TPM3: variants seen among roughly 807,000 people sequenced by gnomAD.
TPM3 encodes tropomyosin alpha-3 chain.
In TPM3, 16 loss-of-function variants were observed where a neutral mutation model predicts 43.1. That is an observed-to-expected ratio of 0.37 (90% CI 0.25 to 0.56). The LOEUF is 0.56. Among genes scored for constraint, TPM3 ranks in the 20% least tolerant of loss-of-function variants. TPM3 has a pLI of 0.77. For missense variants in TPM3, 176 were observed against 337.2 expected, an observed-to-expected ratio of 0.52 and a Z score of 3.74; for synonymous variants, 101 against 116.9, an observed-to-expected ratio of 0.86 and a Z score of 0.88.
chr1:154,162,783 T>A lies in TPM3; in HGVS notation c.*5154A>T, dbSNP rs1367485009. On this transcript the variant is annotated 3_prime_UTR_variant, in exon 10 of 10. Coordinates refer to ENST00000651641, the MANE Select transcript of TPM3 (RefSeq NM_152263.4). ...TTACATAGTACTTCATTGTCCACTT[T>A]GGTACCCCAGTTTGTTGGTCTCTAT... Among the ~76,000 whole-genome samples, 1 of 152,230 alleles carries A rather than the reference T, an allele frequency of 6.6e-6. No individual in the cohort carries two copies. The highest frequency in any genetic ancestry group is 1.5e-5 in the Non-Finnish European group (1 of 68,040).
chr1:154,157,679 C>T (rs2148183863), downstream of TPM3: 2 of 780,698 alleles, frequency 2.6e-6, no homozygotes, highest in South Asian at 2.7e-5. Flanking sequence ...GTCCAGCATC[C>T]TTTGTGTACA....
Position 154,192,029 on chromosome 1 carries a change from T to TC in TPM3, c.-12_-11insG. 1 of 1,609,526 alleles carries TC rather than the reference T, an allele frequency of 6.2e-7. No homozygotes were observed. The highest frequency in any genetic ancestry group is 1.1e-5 in the South Asian group (1 of 91,006). On this transcript the variant is annotated 5_prime_UTR_variant, in exon 1 of 10. Coordinates refer to ENST00000651641, the MANE Select transcript of TPM3 (RefSeq NM_152263.4). ...GATGGCCTCCATCATGAGCAGTGGC[T>TC]GTTGGTAGGCTCACCTGTGAACACT...
intron 6 of TPM3, 110 bp downstream of exon 6, chr1:154,171,303 G>A: frequency 1.8e-6 from 2 of 1,131,990 alleles, no homozygotes; most frequent in Non-Finnish European, 2.7e-6. Flanking sequence ...GAGGTAGGAA[G>A]AGGACACGCC....
chr1:154,168,068 T>A, intron 9 of TPM3, 128 bp from the exon 10 acceptor site: 2 of 1,354,128 alleles, frequency 1.5e-6, no homozygotes, highest in Non-Finnish European at 2.1e-6. Context: ...GCCAGACACT[T>A]CAGCCTGAGA....
At position 154,169,383 on chromosome 1, in the gene TPM3, T is replaced by A; in HGVS notation, c.776A>T (p.Asp259Val). The change falls in exon 9 of 10, where the codon GAT becomes GTT. Residue 259 changes from aspartate (D) to valine (V), a missense_variant and splice_region_variant. Physicochemically the swap from Asp to Val is radical, Grantham distance 152 (BLOSUM62 -3). This residue lies in a region of TPM3 where 53 missense variants were observed against 98.3 expected (regional missense o/e 0.54). Coordinates refer to ENST00000651641, the MANE Select transcript of TPM3 (RefSeq NM_152263.4). ...KLEKTIDDLE[D>V]ELYAQKLKYK... Reference sequence around the variant, plus strand: ...CTTCAGTTTCTGGGCATAGAGCTCATCTGGACAGGCACAGGAACCACAGGG... The same window carrying A: ...CTTCAGTTTCTGGGCATAGAGCTCAACTGGACAGGCACAGGAACCACAGGG... The A allele has an allele frequency of 6.2e-7, 1 of 1,614,174 alleles. No individual in the cohort carries two copies. Among genetic ancestry groups the A allele is most frequent in the Non-Finnish European group, 8.5e-7 (1 of 1,180,026 alleles).
At position 154,171,339 on chromosome 1, in the gene TPM3, G is replaced by A. The variant is rs140060659; in HGVS notation, c.642+74C>T. On this transcript the variant is annotated intron_variant, in intron 6 of 9. Coordinates refer to ENST00000651641, the MANE Select transcript of TPM3 (RefSeq NM_152263.4). Reference sequence around the variant, plus strand: ...TCACTGGATTATATATGGAATGCGTGTCTCCAGTCTTTCATCAAGGGCAGG... The same window carrying A: ...TCACTGGATTATATATGGAATGCGTATCTCCAGTCTTTCATCAAGGGCAGG... 374 of 1,490,988 alleles carry A rather than the reference G, an allele frequency of 2.5e-4. 4 individuals are homozygous for A. In the East Asian group the frequency reaches 8.0e-3, roughly 32 times the overall value. 92.4% of individuals were successfully genotyped at this position (1,490,988 alleles called of 1,614,324 possible).
In TPM3 at chr1:154,162,831, C is replaced by T. The variant is rs572423277; in HGVS notation, c.*5106G>A. 5.3e-5 allele frequency among the ~76,000 whole-genome samples: 8 copies of T among 152,286 alleles called. No homozygotes were observed. Among genetic ancestry groups the T allele is most frequent in the Middle Eastern group, 6.8e-3 (2 of 294 alleles). On this transcript the variant is annotated 3_prime_UTR_variant, in exon 10 of 10. Transcript: ENST00000651641. ...TATCCTTGGCTCACACTAGTCATACCGCAAGGAAAACAGGAGATACCACAG... is the reference window on the plus strand; with the variant it reads ...TATCCTTGGCTCACACTAGTCATACTGCAAGGAAAACAGGAGATACCACAG...
chr1:154,158,645 T>C (rs1660041892), downstream of TPM3: 1 of 413,066 alleles, frequency 2.4e-6, no homozygotes. Flanking sequence ...AAAACATCCA[T>C]GCAAGGGAAC....
At chr1:154,171,038 G>A in intron 6 of TPM3, 1 of 526,872 alleles carries the variant, frequency 1.9e-6, no homozygotes, top group South Asian at 2.1e-5. Flanking sequence ...TCACATGACT[G>A]AAACACACCC....
rs575927755 is a variant in TPM3, at chr1:154,166,276, G to A, written c.*1661C>T. ...GGAATCTTGCTGTGTTGCCCAGGCT[G>A]GAGTACTACAGTGGCTATTTATAGG... On this transcript the variant is annotated 3_prime_UTR_variant, in exon 10 of 10. Coordinates refer to ENST00000651641, the MANE Select transcript of TPM3 (RefSeq NM_152263.4). 34 of 229,408 alleles carry A rather than the reference G, an allele frequency of 1.5e-4. No homozygotes were observed. The East Asian group carries it at 1.6e-3, about 11-fold the overall frequency. 14.2% of individuals were successfully genotyped at this position (229,408 alleles called of 1,614,324 possible). A position where few individuals can be genotyped will look rare whatever the true frequency, so the allele number is the denominator to read the frequency against.
downstream of TPM3, among the ~76,000 whole-genome samples, chr1:154,161,433 G>C: frequency 6.9e-6 from 1 of 145,394 alleles, no homozygotes; most frequent in Non-Finnish European, 1.5e-5. Context: ...ATGTTATCAG[G>C]ATCCTTTTTT....
Position 154,162,907 on chromosome 1 carries a change from C to CTT in TPM3, c.*5028_*5029dup, listed in dbSNP as rs886045291. Among the ~76,000 whole-genome samples, 6 of 152,024 alleles carry CTT rather than the reference C, an allele frequency of 3.9e-5. No individual in the cohort carries two copies. Among genetic ancestry groups the CTT allele is most frequent in the Non-Finnish European group, 8.8e-5 (6 of 68,000 alleles). ...CTCCCAATCTCCCTCTTATTTCCTT[C>CTT]TTTTTTTTCTCTCCTGCCTCAGCCT... On this transcript the variant is annotated 3_prime_UTR_variant, in exon 10 of 10. Coordinates refer to ENST00000651641, the MANE Select transcript of TPM3 (RefSeq NM_152263.4).
chr1:154,174,827 G>C (rs1662114088), intron 3 of TPM3, among the ~76,000 whole-genome samples: 1 of 151,586 alleles, frequency 6.6e-6, no homozygotes, highest in Admixed American at 6.6e-5. Context: ...TACTCTAATA[G>C]TATACACATA....
chr1:154,183,333 C>G (rs1006784028), intron 2 of TPM3: 1 of 1,455,932 alleles, frequency 6.9e-7, no homozygotes, highest in Non-Finnish European at 9.1e-7. Context: ...GTGGATCCTC[C>G]CAGTCGCCCT....
rs915243777 is a variant in TPM3, at chr1:154,164,638, G to A, written c.*3299C>T. ...CTAACCCAATTTTTTCCAAAGTGTG[G>A]TGTATTCACTGCTATAGTTACTTTA... On this transcript the variant is annotated 3_prime_UTR_variant, in exon 10 of 10. Coordinates refer to ENST00000651641, the MANE Select transcript of TPM3 (RefSeq NM_152263.4). Among the ~76,000 whole-genome samples, 1 of 152,134 alleles carries A rather than the reference G, an allele frequency of 6.6e-6. No homozygotes were observed. The highest frequency in any genetic ancestry group is 1.5e-5 in the Non-Finnish European group (1 of 68,038).
chr1:154,164,419 T>TA lies in TPM3; in HGVS notation c.*3517dup, dbSNP rs1269066348. Among the ~76,000 whole-genome samples, 1 of 151,992 alleles carries TA rather than the reference T, an allele frequency of 6.6e-6. No homozygotes were observed. The highest frequency in any genetic ancestry group is 6.6e-5 in the Admixed American group (1 of 15,266). On this transcript the variant is annotated 3_prime_UTR_variant, in exon 10 of 10. Coordinates refer to ENST00000651641, the MANE Select transcript of TPM3 (RefSeq NM_152263.4). ...AAGAAATCCTCTCACCTCAGCCTCC[T>TA]AAAGTGCAGGGATTACAGGCATGAG... is the stretch of plus-strand genomic sequence containing the variant.
intron 9 of TPM3, 144 bp from the exon 10 acceptor site, chr1:154,168,084 G>A (rs1661178826): frequency 2.4e-6 from 3 of 1,248,758 alleles, no homozygotes; most frequent in Middle Eastern, 1.9e-4. Flanking sequence ...TGAGAAATGT[G>A]GCTTCTTTTC....
chr1:154,170,738 C>A, intron 6 of TPM3, 27 bp from the exon 7 acceptor site: 1 of 1,539,760 alleles, frequency 6.5e-7, no homozygotes, highest in South Asian at 1.1e-5. Context: ...TTAAAAATTT[C>A]AGAGTAGAAA....
intron 2 of TPM3, among the ~76,000 whole-genome samples, chr1:154,189,515 T>G (rs908540325): frequency 5.3e-5 from 8 of 151,148 alleles, no homozygotes; most frequent in Non-Finnish European, 1.0e-4. Context: ...GAAACCTGGC[T>G]GGGCGGGGTG....
Sources: gnomAD v4.1 joint callset for allele counts (sites outside exome capture counted in the v4.1 genomes callset) on GRCh38, gnomAD v4.1.1 for gene constraint, gnomAD v4.1.1 regional missense constraint, MANE v1.5 for transcripts, NCBI Gene and HGNC (gene_info 2026-07-23, HGNC 2026-07-21) for gene names.